WWP1: variants seen among roughly 807,000 people sequenced by gnomAD.
WWP1 encodes the protein NEDD4-like E3 ubiquitin-protein ligase WWP1.
WWP1 carries 49 observed loss-of-function variants against 130.6 expected under a neutral mutation model. The observed-to-expected ratio is 0.38, with a 90% confidence interval of 0.30 to 0.48. The LOEUF (loss-of-function observed/expected upper bound fraction) is 0.48. Among genes scored for constraint, WWP1 ranks in the 20% least tolerant of loss-of-function variants. The pLI is 0.99. For synonymous variants in WWP1, 332 were observed against 367.8 expected (o/e 0.90, Z 1.11); for missense variants, 809 against 1,100.6 (o/e 0.74, Z 3.75).
chr8:86,342,693 G>C lies in WWP1; in HGVS notation c.-352G>C. The C allele has an allele frequency of 3.0e-6, 1 of 328,678 alleles. No homozygotes were observed. Among genetic ancestry groups the C allele is most frequent in the East Asian group, 4.6e-5 (1 of 21,968 alleles). 20.4% of individuals were successfully genotyped at this position (328,678 alleles called of 1,614,324 possible). ...GGAAGGGAGGTGTGGGGTCGGCTGG[G>C]GGTGGCGCGTGGACGGGGTGGGGGT... On this transcript the variant is annotated 5_prime_UTR_variant, in exon 1 of 25. Transcript: ENST00000517970.
chr8:86,414,276 A>G (rs533505332), intron 9 of WWP1, among the ~76,000 whole-genome samples: 1 of 152,220 alleles, frequency 6.6e-6, no homozygotes, highest in African/African-American at 2.4e-5. Context: ...TAAAATCAGT[A>G]GATAAATAGC....
intron 18 of WWP1, among the ~76,000 whole-genome samples, chr8:86,446,313 T>G (rs1810876954): frequency 6.6e-6 from 1 of 152,162 alleles, no homozygotes; most frequent in Non-Finnish European, 1.5e-5. Context: ...GAGAAGTGTC[T>G]GTTTATGCTT....
chr8:86,444,968 A>G lies in WWP1; in HGVS notation c.1998+2190A>G, dbSNP rs554451358. 3.9e-5 allele frequency among the ~76,000 whole-genome samples: 6 copies of G among 152,276 alleles called. No homozygotes were observed. In the South Asian group the frequency reaches 1.0e-3, roughly 26 times the overall value. On this transcript the variant is annotated intron_variant, in intron 18 of 24. Coordinates refer to ENST00000517970, the MANE Select transcript of WWP1 (RefSeq NM_007013.4). ...GGGTTTGTTTGACTGTGCAGGCTGTACAAGAAGCATGGTGCCAGCATCGTC... is the reference window on the plus strand; with the variant it reads ...GGGTTTGTTTGACTGTGCAGGCTGTGCAAGAAGCATGGTGCCAGCATCGTC...
chr8:86,358,566 C>A lies in WWP1; in HGVS notation c.-114-10373C>A, dbSNP rs182864489. Among the ~76,000 whole-genome samples, 440 of 151,670 alleles carry A rather than the reference C, an allele frequency of 2.9e-3. 1 individual carries two copies. The highest frequency in any genetic ancestry group is 9.7e-3 in the African/African-American group (402 of 41,356). On this transcript the variant is annotated intron_variant, in intron 1 of 24. Transcript: ENST00000517970. ...GTGCCGTCACAACTCACCACTGCCT[C>A]AAGTTCCCCAGGCTCAAGTGATTGT...
intron 3 of WWP1, among the ~76,000 whole-genome samples, chr8:86,375,546 A>C (rs886281171): frequency 7.3e-5 from 11 of 150,730 alleles, no homozygotes; most frequent in Non-Finnish European, 1.6e-4. Flanking sequence ...ATTCTTGCAT[A>C]CTTCTCTGTG....
chr8:86,430,549 T>G (rs896850850), intron 11 of WWP1, 148 bp from the exon 12 acceptor site: 1 of 425,942 alleles, frequency 2.3e-6, no homozygotes, highest in African/African-American at 2.1e-5. Context: ...GGTGCTGAGA[T>G]TACAGGCATG....
chr8:86,357,216 C>T (rs1360164698), intron 1 of WWP1, among the ~76,000 whole-genome samples: 3 of 152,146 alleles, frequency 2.0e-5, no homozygotes, highest in South Asian at 2.1e-4. Context: ...AAACTGAGGC[C>T]GAGTGAGGTT....
rs2130698601 is a variant in WWP1 at position 86,435,646 on chromosome 8, C to T, written c.1691C>T (p.Pro564Leu). 6.2e-7 allele frequency: 1 copy of T among 1,612,892 alleles called. No homozygotes were observed. The highest frequency in any genetic ancestry group is 2.2e-5 in the East Asian group (1 of 44,848). Residue 564 changes from proline to leucine, a missense_variant, in exon 16 of 25, where the codon CCT (proline) becomes CTT (leucine). By Grantham distance (98) the Pro-to-Leu change is moderately conservative (BLOSUM62 -3). Around this residue, in one of 3 missense-constraint regions of WWP1, gnomAD observed 450 missense variants for 674.2 expected, o/e 0.67. Transcript: ENST00000517970. ...TTTTGTTTTTAGTCTAATGCACTACCTAGTCATGTAAAGATCAATGTGTCC... is the reference window on the plus strand; with the variant it reads ...TTTTGTTTTTAGTCTAATGCACTACTTAGTCATGTAAAGATCAATGTGTCC... ...FRYLCQSNAL[P>L]SHVKINVSRQ...
At chr8:86,362,047 C>CACACATATATATACACATATATATAT in intron 1 of WWP1, among the ~76,000 whole-genome samples, 1 of 90,914 alleles carries the variant, frequency 1.1e-5, no homozygotes, top group African/African-American at 4.7e-5. Context: ...CATATATATA[C>CACACATATATATACACATATATATAT]ACACATATAT....
chr8:86,391,819 C>T (rs1290823309), intron 5 of WWP1, among the ~76,000 whole-genome samples: 1 of 152,076 alleles, frequency 6.6e-6, no homozygotes, highest in Non-Finnish European at 1.5e-5. Context: ...ATTCTGTCCT[C>T]CCACAGAGAC....
rs1158106022 is a variant in WWP1, at chr8:86,419,459, G to T, written c.1062-5764G>T. Among the ~76,000 whole-genome samples the T allele has an allele frequency of 3.3e-5, 5 of 152,120 alleles. No individual in the cohort carries two copies. In the East Asian group the frequency reaches 7.7e-4, roughly 23 times the overall value. ...CAGACTATTTTAATATCCTCTGAGGGATAAAAGTAGATACAACATACATAC... is the reference window on the plus strand; with the variant it reads ...CAGACTATTTTAATATCCTCTGAGGTATAAAAGTAGATACAACATACATAC... On this transcript the variant is annotated intron_variant, in intron 9 of 24. Coordinates refer to ENST00000517970, the MANE Select transcript of WWP1 (RefSeq NM_007013.4).
At chr8:86,403,967 T>A (rs1451215557) in intron 8 of WWP1, among the ~76,000 whole-genome samples, 1 of 152,210 alleles carries the variant, frequency 6.6e-6, no homozygotes, top group Non-Finnish European at 1.5e-5. Flanking sequence ...AAATATTGTC[T>A]TGGATTATTC....
intron 9 of WWP1, among the ~76,000 whole-genome samples, chr8:86,418,052 T>G (rs1808987422): frequency 6.6e-6 from 1 of 152,230 alleles, no homozygotes; most frequent in Non-Finnish European, 1.5e-5. Context: ...ATTATTATTT[T>G]GCATAAAATA....
chr8:86,367,755 C>T (rs181522696), intron 1 of WWP1, among the ~76,000 whole-genome samples: 341 of 152,278 alleles, frequency 2.2e-3, no homozygotes, highest in Non-Finnish European at 4.0e-3. Context: ...TTTCTGTCTT[C>T]TCATATCCTG....
chr8:86,411,918 C>T (rs917875911), intron 9 of WWP1, 44 bp downstream of exon 9: 14 of 1,504,296 alleles, frequency 9.3e-6, no homozygotes, highest in Non-Finnish European at 1.3e-5. Flanking sequence ...TAAGTAGCAA[C>T]TCTGTTAACA....
Position 86,380,834 on chromosome 8 carries a change from C to G in WWP1, c.179C>G (p.Ser60Cys). The G allele has an allele frequency of 2.5e-6, 4 of 1,612,716 alleles. No homozygotes were observed. The highest frequency in any genetic ancestry group is 1.7e-4 in the Middle Eastern group (1 of 6,054). Residue 60 changes from serine to cysteine, a missense_variant, in exon 4 of 25, where the codon TCT becomes TGT. Around this residue, in one of 3 missense-constraint regions of WWP1, gnomAD observed 262 missense variants for 346.0 expected, o/e 0.76. Transcript: ENST00000517970. The stretch of plus-strand genomic sequence containing the variant: ...AAAACAGCAAAATCCAGTAGTTCTT[C>G]TAATCCAAAATGGGATGAACAGCTA... ...ITKTAKSSSS[S>C]NPKWDEQLTV...
At chr8:86,363,060 A>C (rs1047289481) in intron 1 of WWP1, among the ~76,000 whole-genome samples, 1 of 152,206 alleles carries the variant, frequency 6.6e-6, no homozygotes, top group South Asian at 2.1e-4. Context: ...GGTATCAAAA[A>C]ACAAAATTAT....
In WWP1 at chr8:86,370,855, C is replaced by CTTTTTTTTTTTTTTT. The variant is rs555585296; in HGVS notation, c.-22+1838_-22+1852dup. On this transcript the variant is annotated intron_variant, in intron 2 of 24. Transcript: ENST00000517970. ...GGTATTGCTTATAGCTATATTCATT[C>CTTTTTTTTTTTTTTT]TTTTTTTTTTTTTTTTTTTTTTTTT... is the stretch of plus-strand genomic sequence containing the variant. 6.7e-4 allele frequency among the ~76,000 whole-genome samples: 30 copies of CTTTTTTTTTTTTTTT among 44,886 alleles called. 7 individuals carry two copies. Among genetic ancestry groups the CTTTTTTTTTTTTTTT allele is most frequent in the African/African-American group, 8.3e-4 (8 of 9,652 alleles). 29.4% of individuals were successfully genotyped at this position (44,886 alleles called of 152,430 possible).
At chr8:86,362,930 T>G (rs1390712607) in intron 1 of WWP1, among the ~76,000 whole-genome samples, 1 of 152,208 alleles carries the variant, frequency 6.6e-6, no homozygotes, top group African/African-American at 2.4e-5. Context: ...TTATTTAACT[T>G]TCATTATTGA....
Sources: gnomAD v4.1 joint callset for allele counts (sites outside exome capture counted in the v4.1 genomes callset) on GRCh38, gnomAD v4.1.1 for gene constraint, gnomAD v4.1.1 regional missense constraint, MANE v1.5 for transcripts, NCBI Gene and HGNC (gene_info 2026-07-23, HGNC 2026-07-21) for gene names.